BASP1: variants seen among roughly 807,000 people sequenced by gnomAD.
BASP1 encodes the protein brain abundant membrane attached signal protein 1.
In BASP1, 1 loss-of-function variant was observed where a neutral mutation model predicts 2.2. The observed-to-expected ratio is 0.46, with a 90% CI of 0.16 to 2.17. The LOEUF is 2.17. Among genes scored for constraint, BASP1 ranks in the 30% most tolerant of loss-of-function variants. BASP1 has a pLI of 0.27. For missense variants in BASP1, 352 were observed against 327.2 expected, an observed-to-expected ratio of 1.08 and a Z score of -0.58; for synonymous variants, 187 against 154.2, an observed-to-expected ratio of 1.21 and a Z score of -1.58.
chr5:17,250,230 AGCCACCGCGCC>A (rs980758830), intron 1 of BASP1, among the ~76,000 whole-genome samples: 11 of 152,182 alleles, frequency 7.2e-5, no homozygotes, highest in Non-Finnish European at 1.2e-4. Context: ...GATAGGCGTG[AGCCACCGCGCC>A]CGGCCCTGAT....
intron 1 of BASP1, among the ~76,000 whole-genome samples, chr5:17,257,608 A>T (rs1169999438): frequency 6.6e-6 from 1 of 152,162 alleles, no homozygotes; most frequent in Non-Finnish European, 1.5e-5. Context: ...GGTTGAGTTC[A>T]CTGAGGCTGA....
At position 17,275,549 on chromosome 5, in the gene BASP1, C is replaced by A; in HGVS notation, c.333C>A (p.Pro111=). ...CGCCCGAGCAGGAGCAGGCGGCCCC[C>A]GGCCCCGCTGCGGGCGGCGAGGCCC... ...PKAPEQEQAA[P]GPAAGGEAPK... The change falls in exon 2 of 2, where the codon CCC becomes CCA. Residue 111 remains proline (P), a synonymous_variant. Coordinates refer to ENST00000322611, the MANE Select transcript of BASP1 (RefSeq NM_006317.5). This position sits in a 1 kb window ranked among gnomAD's most constrained non-coding sequence, Gnocchi z 5.3. 7.1e-7 allele frequency: 1 copy of A among 1,402,650 alleles called. No homozygotes were observed. The highest frequency in any genetic ancestry group is 9.2e-7 in the Non-Finnish European group (1 of 1,082,954). The allele number at this position is 1,402,650 out of a possible 1,614,324, so 86.9% of individuals were successfully genotyped here. A position where few individuals can be genotyped will look rare whatever the true frequency, so the allele number is the denominator to read the frequency against.
At position 17,227,161 on chromosome 5, in the gene BASP1, C is replaced by G. The variant is rs190351522; in HGVS notation, c.-10+9351C>G. Among the ~76,000 whole-genome samples the G allele has an allele frequency of 3.6e-3, 547 of 151,788 alleles. 9 individuals are homozygous for G. The highest frequency in any genetic ancestry group is 0.012 in the African/African-American group (517 of 41,372). The stretch of plus-strand genomic sequence containing the variant: ...GGTCAGGCTGGTCTTGAACTCCTGA[C>G]TTCGTGATCCACCTGTCTTGGCCTC... On this transcript the variant is annotated intron_variant, in intron 1 of 1. Coordinates refer to ENST00000322611, the MANE Select transcript of BASP1 (RefSeq NM_006317.5).
intron 1 of BASP1, among the ~76,000 whole-genome samples, chr5:17,218,079 C>A (rs527242393): frequency 7.3e-6 from 1 of 137,830 alleles, no homozygotes; most frequent in South Asian, 2.4e-4. Context: ...GGTTGGTAAA[C>A]GGAGCTGGGG....
chr5:17,252,309 G>A lies in BASP1; in HGVS notation c.-9-22899G>A, dbSNP rs187614367. 7.2e-5 allele frequency among the ~76,000 whole-genome samples: 11 copies of A among 152,198 alleles called. No individual in the cohort carries two copies. The East Asian group carries it at 1.5e-3, about 21-fold the overall frequency. On this transcript the variant is annotated intron_variant, in intron 1 of 1. Coordinates refer to ENST00000322611, the MANE Select transcript of BASP1 (RefSeq NM_006317.5). ...GCAGGCAGGAGATAATCAGAAGGGCGCCACAAGACCATGTAATCTGCTCAA... is the reference window on the plus strand; with the variant it reads ...GCAGGCAGGAGATAATCAGAAGGGCACCACAAGACCATGTAATCTGCTCAA...
chr5:17,252,222 G>A (rs1209753746), intron 1 of BASP1, among the ~76,000 whole-genome samples: 1 of 152,050 alleles, frequency 6.6e-6, no homozygotes, highest in Non-Finnish European at 1.5e-5. Flanking sequence ...TTTGCCATTC[G>A]GCTATTATTT....
rs956427248 is a variant in BASP1, at chr5:17,275,602, C to T, written c.386C>T (p.Pro129Leu). The T allele has an allele frequency of 8.5e-6, 12 of 1,418,152 alleles. No homozygotes were observed. Among genetic ancestry groups the T allele is most frequent in the South Asian group, 6.1e-5 (4 of 65,362 alleles). The allele number at this position is 1,418,152 out of a possible 1,614,324, so 87.8% of individuals were successfully genotyped here. The change falls in exon 2 of 2, where the codon CCG becomes CTG. Residue 129 changes from proline (P) to leucine (L), a missense_variant. Transcript: ENST00000322611. The surrounding 1 kb of genome is among the most constrained non-coding windows in gnomAD (Gnocchi z 5.3). ...APKAAEAAAA[P>L]AESAAPAAGE... ...AAAGCTGCTGAGGCCGCCGCGGCCC[C>T]GGCCGAGAGCGCGGCCCCTGCCGCC... is the stretch of plus-strand genomic sequence containing the variant.
chr5:17,269,975 C>CA (rs1350199054), intron 1 of BASP1, among the ~76,000 whole-genome samples: 1 of 151,946 alleles, frequency 6.6e-6, no homozygotes, highest in East Asian at 1.9e-4. Flanking sequence ...GAGGGGACAG[C>CA]AAAAAATGCA....
intron 1 of BASP1, among the ~76,000 whole-genome samples, chr5:17,218,098 C>A (rs1376677008): frequency 6.6e-6 from 1 of 151,228 alleles, no homozygotes; most frequent in Non-Finnish European, 1.5e-5. Context: ...GGGGAGGGGG[C>A]TGTCGGGGAG....
intron 1 of BASP1, among the ~76,000 whole-genome samples, chr5:17,229,258 G>T (rs1739574731): frequency 6.6e-6 from 1 of 152,156 alleles, no homozygotes; most frequent in African/African-American, 2.4e-5. Flanking sequence ...ACAGTTCCAG[G>T]CTTGAGAGAG....
rs577656153 is a variant in BASP1 at position 17,256,522 on chromosome 5, G to A, written c.-9-18686G>A. Among the ~76,000 whole-genome samples, 12 of 152,242 alleles carry A rather than the reference G, an allele frequency of 7.9e-5. No individual in the cohort carries two copies. The East Asian group carries it at 9.7e-4, about 12-fold the overall frequency. On this transcript the variant is annotated intron_variant, in intron 1 of 1. Coordinates refer to ENST00000322611, the MANE Select transcript of BASP1 (RefSeq NM_006317.5). Reference sequence around the variant, plus strand: ...TTGTGTGTATACATTATTACTGCACGTTTGTGCAAAAACTAAAAATTATAG... The same window carrying A: ...TTGTGTGTATACATTATTACTGCACATTTGTGCAAAAACTAAAAATTATAG...
chr5:17,231,276 G>A (rs1739629119), intron 1 of BASP1, among the ~76,000 whole-genome samples: 2 of 152,130 alleles, frequency 1.3e-5, no homozygotes, highest in South Asian at 4.1e-4. Context: ...AACTAGGCTT[G>A]TCTCCTGGAA....
Position 17,247,975 on chromosome 5 carries a change from T to A in BASP1, c.-9-27233T>A, listed in dbSNP as rs544380819. 4.6e-5 allele frequency among the ~76,000 whole-genome samples: 7 copies of A among 152,300 alleles called. No homozygotes were observed. In the East Asian group the frequency reaches 1.3e-3, roughly 29 times the overall value. On this transcript the variant is annotated intron_variant, in intron 1 of 1. Transcript: ENST00000322611. ...ATCCTAGGCCACCATGGAGTTGACTTATGTGTAGACTGGCCATAGCCCAGG... is the reference window on the plus strand; with the variant it reads ...ATCCTAGGCCACCATGGAGTTGACTAATGTGTAGACTGGCCATAGCCCAGG...
intron 1 of BASP1, among the ~76,000 whole-genome samples, chr5:17,265,233 T>C (rs1740395327): frequency 6.6e-6 from 1 of 152,218 alleles, no homozygotes; most frequent in Non-Finnish European, 1.5e-5. Flanking sequence ...TTGTGCATTG[T>C]GCAAGGTTGC....
At chr5:17,223,965 T>G (rs1739439623) in intron 1 of BASP1, among the ~76,000 whole-genome samples, 1 of 152,222 alleles carries the variant, frequency 6.6e-6, no homozygotes, top group Admixed American at 6.5e-5. Flanking sequence ...CTGAAAGTTG[T>G]ATTATGTAGG....
chr5:17,241,829 G>A (rs935146117), intron 1 of BASP1, among the ~76,000 whole-genome samples: 1 of 152,158 alleles, frequency 6.6e-6, no homozygotes, highest in African/African-American at 2.4e-5. Context: ...CCAACCAAGA[G>A]CTGCAGGATT....
At chr5:17,226,931 C>CTTTTTTT (rs5866244) in intron 1 of BASP1, among the ~76,000 whole-genome samples, 2 of 144,732 alleles carry the variant, frequency 1.4e-5, no homozygotes, top group Non-Finnish European at 3.0e-5. Flanking sequence ...ACTCATTTTT[C>CTTTTTTT]TTTTTTTTTT....
At chr5:17,247,212 A>G (rs1740010658) in intron 1 of BASP1, among the ~76,000 whole-genome samples, 1 of 152,206 alleles carries the variant, frequency 6.6e-6, no homozygotes, top group Non-Finnish European at 1.5e-5. Context: ...AAGTAGATAG[A>G]TAAATGCCAT....
At chr5:17,253,536 A>T (rs534239025) in intron 1 of BASP1, among the ~76,000 whole-genome samples, 25 of 152,276 alleles carry the variant, frequency 1.6e-4, no homozygotes, top group South Asian at 6.2e-4. Flanking sequence ...TACAAGTGTA[A>T]TGATGGTTTT....
Sources: gnomAD v4.1 joint callset for allele counts (sites outside exome capture counted in the v4.1 genomes callset) on GRCh38, gnomAD v4.1.1 for gene constraint, Gnocchi (gnomAD v3.1) non-coding constraint, MANE v1.5 for transcripts, NCBI Gene and HGNC (gene_info 2026-07-23, HGNC 2026-07-21) for gene names.